Variants in CLASP1 observed in about 807,000 individuals in gnomAD.
The protein encoded by CLASP1 is cytoplasmic linker associated protein 1, also known as CLIP-associating protein 1.
CLASP1 carries 38 observed loss-of-function variants against 192.3 expected under a neutral mutation model. The ratio of observed to expected loss-of-function variants is 0.20; its 90% CI spans 0.15 to 0.26. The LOEUF is 0.26. Ranked by LOEUF, CLASP1 falls within the 10% of genes least tolerant of loss-of-function variation. CLASP1 has a pLI of 1.00. For synonymous variants in CLASP1, 691 were observed against 712.8 expected (o/e 0.97, Z 0.49); for missense variants, 1,433 against 1,932.5 (o/e 0.74, Z 4.85).
At chr2:121,630,794 A>G (rs1275069706) in intron 1 of CLASP1, among the ~76,000 whole-genome samples, 3 of 148,338 alleles carry the variant, frequency 2.0e-5, no homozygotes, top group African/African-American at 7.5e-5. Flanking sequence ...AACCCAGCAG[A>G]GGTTGCAGTG....
intron 5 of CLASP1, among the ~76,000 whole-genome samples, chr2:121,527,266 C>G (rs550579328): frequency 2.0e-5 from 3 of 152,292 alleles, no homozygotes; most frequent in East Asian, 3.9e-4. Context: ...ACTAGTTTAA[C>G]CAACTGTGAC....
intron 8 of CLASP1, among the ~76,000 whole-genome samples, chr2:121,478,974 A>AC (rs2092300153): frequency 2.1e-5 from 1 of 48,072 alleles, no homozygotes; most frequent in Non-Finnish European, 3.7e-5. Context: ...CACACACACC[A>AC]CACACACACC....
At chr2:121,574,229 G>A (rs2060250481) in intron 2 of CLASP1, among the ~76,000 whole-genome samples, 1 of 151,962 alleles carries the variant, frequency 6.6e-6, no homozygotes, top group Non-Finnish European at 1.5e-5. Flanking sequence ...TCGGGAGGCT[G>A]AGTCAGGAGA....
At chr2:121,406,392 T>C (rs1054080973) in intron 25 of CLASP1, among the ~76,000 whole-genome samples, 3 of 152,300 alleles carry the variant, frequency 2.0e-5, no homozygotes, top group East Asian at 1.9e-4. Flanking sequence ...TATATGCACA[T>C]GCATATCAAA....
intron 13 of CLASP1, 75 bp from the exon 14 acceptor site, chr2:121,457,832 C>T: frequency 1.0e-6 from 1 of 1,001,756 alleles, no homozygotes; most frequent in South Asian, 1.4e-5. Context: ...GAATCACTTC[C>T]TTACTAACCT....
intron 2 of CLASP1, among the ~76,000 whole-genome samples, chr2:121,600,771 C>A (rs1275208794): frequency 3.9e-5 from 6 of 152,224 alleles, no homozygotes. Context: ...AGTCCCATCC[C>A]CAACCTCCTT....
chr2:121,530,312 C>G, exon 3 of CLASP1: 1 of 1,550,782 alleles, frequency 6.4e-7, no homozygotes, highest in Non-Finnish European at 8.7e-7. Flanking sequence ...GATGTCCATG[C>G]CCAGCAGAAC....
intron 39 of CLASP1, among the ~76,000 whole-genome samples, chr2:121,344,384 T>G (rs1328872470): frequency 6.6e-6 from 1 of 151,478 alleles, no homozygotes; most frequent in Non-Finnish European, 1.5e-5. Context: ...CAGGCTGGAG[T>G]GCAGTGGTGC....
chr2:121,531,118 T>TTAAACCAGTAGAGGGTG, intron 2 of CLASP1: 2 of 633,810 alleles, frequency 3.2e-6, no homozygotes, highest in Non-Finnish European at 5.8e-6. Context: ...GGTTTTAGTG[T>TTAAACCAGTAGAGGGTG]CGCAAGTAAA....
chr2:121,589,316 C>T (rs2062092342), intron 2 of CLASP1, among the ~76,000 whole-genome samples: 2 of 152,058 alleles, frequency 1.3e-5, no homozygotes, highest in South Asian at 4.1e-4. Flanking sequence ...ACACACTTAC[C>T]CCTCACTACC....
intron 24 of CLASP1, 77 bp from the exon 26 acceptor site, chr2:121,407,792 A>G: frequency 6.6e-7 from 1 of 1,512,870 alleles, no homozygotes. Context: ...ACACCAAACA[A>G]AATCTACAAC....
At chr2:121,342,120 A>G (rs938659448) in intron 39 of CLASP1, among the ~76,000 whole-genome samples, 2 of 152,176 alleles carry the variant, frequency 1.3e-5, no homozygotes, top group Admixed American at 6.5e-5. Flanking sequence ...ATATTTAAAA[A>G]AAGAATTTTT....
intron 24 of CLASP1, among the ~76,000 whole-genome samples, chr2:121,408,074 A>C (rs966886356): frequency 1.3e-5 from 2 of 152,174 alleles, no homozygotes; most frequent in African/African-American, 4.8e-5. Flanking sequence ...GACAACAATA[A>C]TTAAACCTAT....
intron 8 of CLASP1, among the ~76,000 whole-genome samples, chr2:121,474,117 T>C (rs1404075907): frequency 6.6e-6 from 1 of 152,150 alleles, no homozygotes; most frequent in Non-Finnish European, 1.5e-5. Context: ...AAAAGATGAC[T>C]GACTGTTTAA....
Position 121,633,028 on chromosome 2 carries a change from A to ATATATATATG in CLASP1, c.-286+16343_-286+16344insCATATATATA, listed in dbSNP as rs71398039. The stretch of plus-strand genomic sequence containing the variant: ...TGTGCATATATATATATATATATAT[A>ATATATATATG]GGCTTTTTTTCATGAATATAATTAA... On this transcript the variant is annotated intron_variant, in intron 1 of 39. Transcript: ENST00000263710. Among the ~76,000 whole-genome samples, 393 of 137,542 alleles carry ATATATATATG rather than the reference A, an allele frequency of 2.9e-3. 12 individuals are homozygous for ATATATATATG. The highest frequency in any genetic ancestry group is 7.9e-3 in the African/African-American group (271 of 34,268). The allele number at this position is 137,542 out of a possible 152,430, so 90.2% of individuals were successfully genotyped here.
At chr2:121,582,872 C>T (rs940227770) in intron 2 of CLASP1, among the ~76,000 whole-genome samples, 4 of 151,780 alleles carry the variant, frequency 2.6e-5, no homozygotes, top group Admixed American at 6.6e-5. Flanking sequence ...GCAACCTCTG[C>T]CTCCCAGGTT....
At chr2:121,617,981 C>T (rs1401814655) in intron 1 of CLASP1, among the ~76,000 whole-genome samples, 1 of 152,234 alleles carries the variant, frequency 6.6e-6, no homozygotes, top group Non-Finnish European at 1.5e-5. Context: ...TCTCCTTACA[C>T]CTATATTGGC....
intron 2 of CLASP1, among the ~76,000 whole-genome samples, chr2:121,559,894 T>C (rs10173575): frequency 0.24 from 36,575 of 151,764 alleles, 6,849 homozygotes; most frequent in African/African-American, 0.52. Context: ...TCATCATCAT[T>C]ATCATCATCA....
Position 121,570,238 on chromosome 2 carries a change from C to T in CLASP1, c.195+35463G>A, listed in dbSNP as rs144875054. On this transcript the variant is annotated intron_variant, in intron 2 of 39. Transcript: ENST00000263710. ...GAGACAGGTGGCACAATCTTGTTAACGAAGTAAAAAGTGCCTCTCCTTTTT... is the reference window on the plus strand; with the variant it reads ...GAGACAGGTGGCACAATCTTGTTAATGAAGTAAAAAGTGCCTCTCCTTTTT... Among the ~76,000 whole-genome samples the T allele has an allele frequency of 1.9e-4, 29 of 152,246 alleles. No individual in the cohort carries two copies. The East Asian group carries it at 2.5e-3, about 13-fold the overall frequency.
Sources: allele counts gnomAD v4.1 joint callset (sites outside exome capture counted in the v4.1 genomes callset), GRCh38; gene constraint gnomAD v4.1.1; transcripts MANE v1.5; gene names NCBI Gene and HGNC (gene_info 2026-07-23, HGNC 2026-07-21).